APBB2: variants seen among roughly 807,000 people sequenced by gnomAD.
APBB2 encodes amyloid beta precursor protein binding family B member 2.
Under a neutral mutation model 82.5 loss-of-function variants are expected in APBB2, and 38 were observed. That is an observed-to-expected ratio of 0.46 (90% CI 0.36 to 0.60). APBB2 has a LOEUF of 0.60. Among genes scored for constraint, APBB2 ranks in the 20% least tolerant of loss-of-function variants. The probability of loss-of-function intolerance (pLI) is 0.00; values close to 1 mark genes in which losing one functional copy is unlikely to be tolerated. For synonymous variants in APBB2, 341 were observed against 368.2 expected (o/e 0.93, Z 0.85); for missense variants, 772 against 972.3 (o/e 0.79, Z 2.74).
intron 10 of APBB2, among the ~76,000 whole-genome samples, chr4:40,916,776 C>A (rs1034707648): frequency 2.6e-5 from 4 of 152,144 alleles, no homozygotes; most frequent in African/African-American, 7.2e-5. Context: ...GAGGATGTTG[C>A]GAGGCAATGG....
chr4:41,080,763 CA>C (rs1324243583), intron 3 of APBB2, among the ~76,000 whole-genome samples: 1 of 146,324 alleles, frequency 6.8e-6, no homozygotes, highest in Non-Finnish European at 1.5e-5. Context: ...AGTGCAGTGG[CA>C]TGATCTCTCC....
chr4:41,115,055 C>G (rs1165353653), intron 2 of APBB2, among the ~76,000 whole-genome samples: 1 of 152,180 alleles, frequency 6.6e-6, no homozygotes, highest in Admixed American at 6.5e-5. Context: ...AGGCATCATG[C>G]TACCTGACTT....
At chr4:41,174,046 C>T (rs948855054) in intron 1 of APBB2, among the ~76,000 whole-genome samples, 5 of 152,188 alleles carry the variant, frequency 3.3e-5, no homozygotes, top group South Asian at 2.1e-4. Flanking sequence ...CCTGTTCACA[C>T]GATTCTCGTT....
chr4:40,845,771 C>A (rs1757357256), intron 12 of APBB2, among the ~76,000 whole-genome samples: 2 of 151,984 alleles, frequency 1.3e-5, no homozygotes, highest in Admixed American at 1.3e-4. Context: ...AGACTTCTCA[C>A]TCCATTTTTG....
chr4:41,157,382 T>C (rs886599309), intron 1 of APBB2, among the ~76,000 whole-genome samples: 6 of 152,208 alleles, frequency 3.9e-5, no homozygotes, highest in African/African-American at 1.4e-4. Context: ...CAACAGGCCC[T>C]TGGGAGCAAA....
rs561298399 is a variant in APBB2 at position 40,960,669 on chromosome 4, G to C, written c.836-15596C>G. On this transcript the variant is annotated intron_variant, in intron 6 of 17. Transcript: ENST00000508593. ...TCACCGAGTTAGCTAGGATGGTCTTGATCTCCTGACCTTGTGATCCGCACA... is the reference window on the plus strand; with the variant it reads ...TCACCGAGTTAGCTAGGATGGTCTTCATCTCCTGACCTTGTGATCCGCACA... Among the ~76,000 whole-genome samples the C allele has an allele frequency of 1.2e-4, 19 of 152,062 alleles. No homozygotes were observed. In the East Asian group the frequency reaches 3.7e-3, roughly 29 times the overall value.
chr4:40,861,361 A>AT (rs529439230), intron 12 of APBB2, among the ~76,000 whole-genome samples: 3,165 of 148,590 alleles, frequency 0.021, 107 homozygotes, highest in African/African-American at 0.073. Context: ...AAAAAAAAAA[A>AT]TTTTTTTTTT....
intron 10 of APBB2, among the ~76,000 whole-genome samples, chr4:40,932,426 C>T (rs923230203): frequency 3.3e-5 from 5 of 152,198 alleles, no homozygotes; most frequent in Non-Finnish European, 7.3e-5. Flanking sequence ...AGAAGCAGCA[C>T]AGATTTCACT....
chr4:41,074,523 C>T (rs972388993), intron 3 of APBB2, among the ~76,000 whole-genome samples: 1 of 151,994 alleles, frequency 6.6e-6, no homozygotes, highest in Non-Finnish European at 1.5e-5. Context: ...TACTCTCAAT[C>T]TATTGATTTA....
intron 3 of APBB2, among the ~76,000 whole-genome samples, chr4:41,097,033 T>TTTA (rs1165316057): frequency 3.3e-5 from 5 of 152,224 alleles, no homozygotes; most frequent in African/African-American, 1.2e-4. Flanking sequence ...TGGACTGTAG[T>TTTA]TTGCTCCATA....
chr4:40,838,136 C>CATTATTATT (rs68050698), intron 12 of APBB2, among the ~76,000 whole-genome samples: 5 of 142,194 alleles, frequency 3.5e-5, no homozygotes, highest in Admixed American at 7.1e-5. Context: ...TTCAAGTGGG[C>CATTATTATT]ATTATTATTA....
At chr4:40,875,458 A>C (rs555496377) in intron 12 of APBB2, among the ~76,000 whole-genome samples, 47 of 152,334 alleles carry the variant, frequency 3.1e-4, no homozygotes, top group African/African-American at 1.1e-3. Flanking sequence ...ACATTAAACA[A>C]CTGGAAAATG....
chr4:40,963,681 C>T (rs779482295), intron 6 of APBB2, among the ~76,000 whole-genome samples: 1 of 152,208 alleles, frequency 6.6e-6, no homozygotes, highest in South Asian at 2.1e-4. Flanking sequence ...CAAATGAATC[C>T]GATGCTATAT....
chr4:41,132,308 G>C (rs1440415863), intron 2 of APBB2, among the ~76,000 whole-genome samples: 1 of 152,190 alleles, frequency 6.6e-6, no homozygotes, highest in African/African-American at 2.4e-5. Flanking sequence ...ATTGCTACCA[G>C]AAGAGTTTAG....
chr4:41,198,439 TAGC>T, intron 1 of APBB2, among the ~76,000 whole-genome samples: 4 of 152,208 alleles, frequency 2.6e-5, no homozygotes, highest in Non-Finnish European at 4.4e-5. Context: ...TGAAATATAA[TAGC>T]AGCAAGCACT....
chr4:41,193,049 G>A (rs569881795), intron 1 of APBB2, among the ~76,000 whole-genome samples: 1 of 152,286 alleles, frequency 6.6e-6, no homozygotes, highest in African/African-American at 2.4e-5. Flanking sequence ...GAAACCTAAA[G>A]GCTTACTGGC....
chr4:41,194,574 G>A, intron 1 of APBB2, among the ~76,000 whole-genome samples: 6 of 152,280 alleles, frequency 3.9e-5, no homozygotes, highest in Non-Finnish European at 1.5e-5. Flanking sequence ...TCCCCGCTAC[G>A]TGGGAGAATC....
chr4:41,048,543 C>T (rs1168761397), intron 4 of APBB2, among the ~76,000 whole-genome samples: 3 of 152,156 alleles, frequency 2.0e-5, no homozygotes, highest in African/African-American at 7.2e-5. Flanking sequence ...AAATAACTGC[C>T]ACATATGTAG....
intron 6 of APBB2, 91 bp from the exon 7 acceptor site, chr4:40,945,164 ACGTGT>A: frequency 1.1e-6 from 1 of 900,310 alleles, no homozygotes; most frequent in Non-Finnish European, 1.8e-6. Flanking sequence ...CCAAAGGCAG[ACGTGT>A]CCATAGTCCA....
Sources: allele counts gnomAD v4.1 joint callset (sites outside exome capture counted in the v4.1 genomes callset), GRCh38; gene constraint gnomAD v4.1.1; transcripts MANE v1.5; gene names NCBI Gene and HGNC (gene_info 2026-07-23, HGNC 2026-07-21).